The following SCARA3 variants were observed in gnomAD, a reference collection of about 807,000 sequenced individuals.
The protein encoded by SCARA3 is scavenger receptor class A member 3, also known as cellular stress response gene protein.
A neutral mutation model predicts 47.0 loss-of-function variants in SCARA3; 39 were observed. That is an observed-to-expected ratio of 0.83 (90% CI 0.64 to 1.08). The LOEUF (loss-of-function observed/expected upper bound fraction) is 1.08. Among genes scored for constraint, SCARA3 ranks in the 50% least tolerant of loss-of-function variants. The pLI, the probability that SCARA3 is intolerant of heterozygous loss-of-function variation, is 0.00. For missense variants in SCARA3, 724 were observed against 792.3 expected, an observed-to-expected ratio of 0.91 and a Z score of 1.04; for synonymous variants, 356 against 334.1, an observed-to-expected ratio of 1.07 and a Z score of -0.71.
chr8:27,651,201 T>C (rs1054965330), intron 2 of SCARA3, among the ~76,000 whole-genome samples: 3 of 152,182 alleles, frequency 2.0e-5, no homozygotes, highest in African/African-American at 7.2e-5. Flanking sequence ...GGGTCCTCAG[T>C]AGGACCAATG....
Position 27,634,211 on chromosome 8 carries a change from A to C in SCARA3, c.7+4A>C. 7.3e-7 allele frequency: 1 copy of C among 1,373,466 alleles called. No individual in the cohort carries two copies. The highest frequency in any genetic ancestry group is 9.4e-7 in the Non-Finnish European group (1 of 1,064,684). The allele number at this position is 1,373,466 out of a possible 1,614,324, so 85.1% of individuals were successfully genotyped here. The stretch of plus-strand genomic sequence containing the variant: ...CCAGAGGAAGAGACCATGAAAGGTA[A>C]GGGCGGCCTGTCGGGGGCAGCTCCG... On this transcript the variant is annotated splice_donor_region_variant and intron_variant, in intron 1 of 5. Coordinates refer to ENST00000301904, the MANE Select transcript of SCARA3 (RefSeq NM_016240.3).
intron 1 of SCARA3, among the ~76,000 whole-genome samples, chr8:27,638,479 G>A (rs542708945): frequency 1.3e-5 from 2 of 152,226 alleles, no homozygotes; most frequent in East Asian, 3.9e-4. Context: ...GATGGCATCA[G>A]AGTGTAAGTT....
downstream of SCARA3, among the ~76,000 whole-genome samples, chr8:27,677,102 C>T (rs1427377457): frequency 3.3e-5 from 5 of 152,132 alleles, no homozygotes; most frequent in African/African-American, 9.7e-5. Flanking sequence ...AGGCAGTTTG[C>T]GGATCCCACT....
rs1802158976 is a variant in SCARA3, at chr8:27,671,574, A to G, written c.*223A>G. The G allele has an allele frequency of 4.8e-6, 6 of 1,261,130 alleles. No homozygotes were observed. Among genetic ancestry groups the G allele is most frequent in the Non-Finnish European group, 6.0e-6 (6 of 1,005,600 alleles). The allele number at this position is 1,261,130 out of a possible 1,614,324, so 78.1% of individuals were successfully genotyped here. On this transcript the variant is annotated 3_prime_UTR_variant, in exon 6 of 6. Transcript: ENST00000301904. ...TGCACATGCACACACATGCATGCAC[A>G]CACATGCACACATACACGCACATGC...
At chr8:27,670,768 T>C in intron 5 of SCARA3, 132 bp from the exon 6 acceptor site, 1 of 695,132 alleles carries the variant, frequency 1.4e-6, no homozygotes, top group Non-Finnish European at 2.4e-6. Flanking sequence ...CGGCAAGCCT[T>C]GCAGTGAGAA....
At chr8:27,711,975 T>G in the SCARA3 span, among the ~76,000 whole-genome samples, 46 of 152,190 alleles carry the variant, frequency 3.0e-4, no homozygotes, top group Non-Finnish European at 6.0e-4. Context: ...GTCTGTAAGT[T>G]TGGGCAAACG....
intron 1 of SCARA3, among the ~76,000 whole-genome samples, chr8:27,642,326 C>A (rs1319790409): frequency 2.0e-5 from 3 of 152,134 alleles, no homozygotes; most frequent in Admixed American, 6.5e-5. Context: ...AAAGTGGCTG[C>A]TACTACTATT....
the SCARA3 span, among the ~76,000 whole-genome samples, chr8:27,719,508 AC>A: frequency 1.3e-5 from 2 of 150,580 alleles, no homozygotes; most frequent in African/African-American, 4.9e-5. Flanking sequence ...ACAAACCTAC[AC>A]TTGTACTCCT....
intron 1 of SCARA3, among the ~76,000 whole-genome samples, chr8:27,641,199 TTACTGA>T (rs1801374232): frequency 6.6e-6 from 1 of 152,226 alleles, no homozygotes; most frequent in South Asian, 2.1e-4. Context: ...AGAAGGAGGA[TTACTGA>T]GTCAAAGGGC....
At chr8:27,690,971 C>T in the SCARA3 span, among the ~76,000 whole-genome samples, 1 of 152,124 alleles carries the variant, frequency 6.6e-6, no homozygotes, top group African/African-American at 2.4e-5. Flanking sequence ...GCATAAGCCA[C>T]CACGCCAGGC....
the SCARA3 span, among the ~76,000 whole-genome samples, chr8:27,698,182 A>G: frequency 6.6e-6 from 1 of 152,256 alleles, no homozygotes; most frequent in Non-Finnish European, 1.5e-5. Context: ...GGTATTCTTT[A>G]TATTAACAGG....
the SCARA3 span, among the ~76,000 whole-genome samples, chr8:27,721,635 A>G: frequency 6.6e-6 from 1 of 152,118 alleles, no homozygotes; most frequent in Non-Finnish European, 1.5e-5. Flanking sequence ...ACTGAGGTGG[A>G]ATGGGGGTCT....
chr8:27,671,098 G>A lies in SCARA3; in HGVS notation c.1568G>A (p.Gly523Asp), dbSNP rs779257703. The A allele has an allele frequency of 8.1e-6, 13 of 1,605,240 alleles. No homozygotes were observed. Among genetic ancestry groups the A allele is most frequent in the Non-Finnish European group, 9.4e-6 (11 of 1,175,772 alleles). Residue 523 changes from glycine to aspartate, a missense_variant, in exon 6 of 6, where the codon GGC becomes GAC. By Grantham distance (94) the Gly-to-Asp change is moderately conservative. Coordinates refer to ENST00000301904, the MANE Select transcript of SCARA3 (RefSeq NM_016240.3). Reference protein sequence around the residue: ...VGPRGFPGLKGSKGSFGTGGP... With the variant: ...VGPRGFPGLKDSKGSFGTGGP... ...CCTCGAGGGTTCCCAGGCCTCAAAG[G>A]CTCAAAGGGCAGCTTTGGAACTGGA... is the stretch of plus-strand genomic sequence containing the variant.
intron 5 of SCARA3, among the ~76,000 whole-genome samples, chr8:27,659,848 TAAAAAAAA>T (rs1164812144): frequency 2.5e-5 from 1 of 40,336 alleles, no homozygotes; most frequent in Admixed American, 3.8e-4. Flanking sequence ...AGTCCTTATC[TAAAAAAAA>T]AAAAAAAAAA....
In SCARA3 at chr8:27,634,067, C is replaced by G. The variant is rs565892266; in HGVS notation, c.-134C>G. On this transcript the variant is annotated 5_prime_UTR_variant, in exon 1 of 6. Transcript: ENST00000301904. ...AGCCCGCGCGCCGGAGCATGAGTCC[C>G]GGCCGGAGCCCCACGGCCGCGGGCG... 105 of 744,704 alleles carry G rather than the reference C, an allele frequency of 1.4e-4. No individual in the cohort carries two copies. In the South Asian group the frequency reaches 3.2e-3, roughly 23 times the overall value. The allele number at this position is 744,704 out of a possible 1,614,324, so 46.1% of individuals were successfully genotyped here.
chr8:27,722,985 C>T, the SCARA3 span, among the ~76,000 whole-genome samples: 1 of 152,310 alleles, frequency 6.6e-6, no homozygotes, highest in South Asian at 2.1e-4. Flanking sequence ...TCTTCGGCAG[C>T]AGGCAGCATT....
intron 1 of SCARA3, among the ~76,000 whole-genome samples, chr8:27,634,737 C>T (rs1585266421): frequency 6.6e-6 from 1 of 152,208 alleles, no homozygotes; most frequent in South Asian, 2.1e-4. Context: ...CTGACCCACC[C>T]TCTGACCTCC....
At chr8:27,728,508 C>T in the SCARA3 span, among the ~76,000 whole-genome samples, 5 of 152,180 alleles carry the variant, frequency 3.3e-5, no homozygotes, top group South Asian at 2.1e-4. Flanking sequence ...GAGGATCCAG[C>T]GGCTAATCCT....
chr8:27,718,838 T>G, the SCARA3 span, among the ~76,000 whole-genome samples: 2 of 152,252 alleles, frequency 1.3e-5, no homozygotes, highest in Non-Finnish European at 2.9e-5. Flanking sequence ...TGTATTCTTA[T>G]AACTAATTTC....
Sources: gnomAD v4.1 joint callset for allele counts (sites outside exome capture counted in the v4.1 genomes callset) on GRCh38, gnomAD v4.1.1 for gene constraint, MANE v1.5 for transcripts, NCBI Gene and HGNC (gene_info 2026-07-23, HGNC 2026-07-21) for gene names.